Variants in KIF13B observed in about 807,000 individuals in gnomAD.
The protein encoded by KIF13B is kinesin family member 13B.
A neutral mutation model predicts 222.0 loss-of-function variants in KIF13B; 127 were observed. The observed-to-expected ratio is 0.57, with a 90% confidence interval of 0.50 to 0.66. The LOEUF (loss-of-function observed/expected upper bound fraction) is 0.66. Ranked by LOEUF, KIF13B falls within the 30% of genes least tolerant of loss-of-function variation. The probability of loss-of-function intolerance (pLI) is 0.00; values close to 1 mark genes in which losing one functional copy is unlikely to be tolerated. For missense variants in KIF13B, 2,173 were observed against 2,379.0 expected (o/e 0.91, Z 1.80); for synonymous variants, 976 against 919.0 (o/e 1.06, Z -1.12).
At chr8:29,247,961 T>G (rs1029686577) in intron 1 of KIF13B, among the ~76,000 whole-genome samples, 1 of 151,944 alleles carries the variant, frequency 6.6e-6, no homozygotes, top group African/African-American at 2.4e-5. Flanking sequence ...TTCCATATCA[T>G]TCAACATTGG....
chr8:29,181,399 A>G (rs972767398), intron 7 of KIF13B, among the ~76,000 whole-genome samples: 2 of 152,242 alleles, frequency 1.3e-5, no homozygotes, highest in African/African-American at 4.8e-5. Context: ...TCAGACACTG[A>G]GAATATATAA....
intron 11 of KIF13B, among the ~76,000 whole-genome samples, 156 bp from the exon 12 acceptor site, chr8:29,165,928 G>GATTGTAGATCGAAGTACCTCA (rs1381253577): frequency 2.0e-5 from 3 of 152,230 alleles, no homozygotes; most frequent in Non-Finnish European, 2.9e-5. Context: ...GAAGTACCTC[G>GATTGTAGATCGAAGTACCTCA]ATTGTCTGAG....
chr8:29,135,902 A>G (rs1810532935), intron 21 of KIF13B, among the ~76,000 whole-genome samples: 1 of 152,152 alleles, frequency 6.6e-6, no homozygotes. Context: ...AAAAACAAAC[A>G]AGCAAACAAG....
chr8:29,190,972 T>C (rs370092285), intron 4 of KIF13B, 25 bp downstream of exon 4: 2 of 1,587,718 alleles, frequency 1.3e-6, no homozygotes, highest in African/African-American at 2.7e-5. Context: ...CCATCAGTAG[T>C]TGACAGGATG....
At chr8:29,139,352 A>C (rs1385029721) in intron 21 of KIF13B, among the ~76,000 whole-genome samples, 1 of 152,194 alleles carries the variant, frequency 6.6e-6, no homozygotes, top group Non-Finnish European at 1.5e-5. Context: ...ATCACCTTTA[A>C]AATGGGCCAT....
Position 29,072,133 on chromosome 8 carries a change from A to C in KIF13B, c.4705T>G (p.Phe1569Val). 1.4e-6 allele frequency: 2 copies of C among 1,388,416 alleles called. No homozygotes were observed. The highest frequency in any genetic ancestry group is 9.4e-7 in the Non-Finnish European group (1 of 1,069,020). The allele number at this position is 1,388,416 out of a possible 1,614,324, so 86.0% of individuals were successfully genotyped here. ...SPLSEASSGY[F>V]SHSVSTATLS... ...GTCGCGGTGGAGACGCTGTGGGAGA[A>C]GTACCCGCTAGAGGCTTCACTCAGG... Residue 1569 changes from phenylalanine to valine, a missense_variant, in exon 39 of 40, where the codon TTC (phenylalanine) becomes GTC (valine). Coordinates refer to ENST00000524189, the MANE Select transcript of KIF13B (RefSeq NM_015254.4).
intron 10 of KIF13B, among the ~76,000 whole-genome samples, chr8:29,168,844 A>T (rs1812119003): frequency 6.6e-6 from 1 of 152,170 alleles, no homozygotes; most frequent in Admixed American, 6.5e-5. Context: ...TGAGACAATA[A>T]ATGACTTGTT....
chr8:29,084,184 G>A (rs1807937971), intron 37 of KIF13B, among the ~76,000 whole-genome samples: 1 of 152,148 alleles, frequency 6.6e-6, no homozygotes, highest in Non-Finnish European at 1.5e-5. Context: ...CCAAAGTGCT[G>A]GGATTACAAG....
chr8:29,221,110 T>C (rs1436238731), intron 2 of KIF13B, among the ~76,000 whole-genome samples: 1 of 145,328 alleles, frequency 6.9e-6, no homozygotes, highest in Non-Finnish European at 1.5e-5. Flanking sequence ...TTTTTTTTTT[T>C]TTTTTTTTTT....
At chr8:29,260,242 A>C (rs1248327194) in intron 1 of KIF13B, among the ~76,000 whole-genome samples, 1 of 152,238 alleles carries the variant, frequency 6.6e-6, no homozygotes, top group African/African-American at 2.4e-5. Context: ...TTAAAACTCC[A>C]AACACCTAAG....
chr8:29,089,768 C>T (rs951177817), intron 37 of KIF13B, among the ~76,000 whole-genome samples: 2 of 151,810 alleles, frequency 1.3e-5, no homozygotes, highest in Non-Finnish European at 2.9e-5. Flanking sequence ...GTGGCAGGTG[C>T]CTGTAATCCC....
At chr8:29,224,068 G>A (rs1220750232) in intron 2 of KIF13B, among the ~76,000 whole-genome samples, 4 of 147,156 alleles carry the variant, frequency 2.7e-5, no homozygotes, top group Non-Finnish European at 4.5e-5. Flanking sequence ...GTGCCATCTT[G>A]GCTCACTGCA....
intron 2 of KIF13B, among the ~76,000 whole-genome samples, chr8:29,216,327 T>C (rs1814477032): frequency 6.6e-6 from 1 of 152,184 alleles, no homozygotes; most frequent in Non-Finnish European, 1.5e-5. Context: ...CCGGGCGCAG[T>C]GGCTGATGCC....
chr8:29,228,472 A>AAAATATATATATATATAT lies in KIF13B; in HGVS notation c.149+16873_149+16874insATATATATATATATATTT. On this transcript the variant is annotated intron_variant, in intron 2 of 39. Transcript: ENST00000524189. ...ACAGAGCCAGACTCCATCTTAAAAAAATATATATATATATATATGAGATAC... is the reference window on the plus strand; with the variant it reads ...ACAGAGCCAGACTCCATCTTAAAAAAAAATATATATATATATATATATATATATATATATATGAGATAC... Among the ~76,000 whole-genome samples, 413 of 117,058 alleles carry AAAATATATATATATATAT rather than the reference A, an allele frequency of 3.5e-3. 17 individuals carry two copies. The highest frequency in any genetic ancestry group is 9.4e-3 in the East Asian group (45 of 4,810). The allele number at this position is 117,058 out of a possible 152,430, so 76.8% of individuals were successfully genotyped here. A position where few individuals can be genotyped will look rare whatever the true frequency, so the allele number is the denominator to read the frequency against.
intron 32 of KIF13B, among the ~76,000 whole-genome samples, chr8:29,111,471 C>T (rs747021436): frequency 6.6e-6 from 1 of 152,198 alleles, no homozygotes; most frequent in Non-Finnish European, 1.5e-5. Flanking sequence ...AGTCTTTACA[C>T]AATCAGCTTT....
chr8:29,132,532 G>T, intron 22 of KIF13B, 67 bp from the exon 23 acceptor site: 1 of 1,008,112 alleles, frequency 9.9e-7, no homozygotes. Context: ...GTTTATACCA[G>T]ACATCACATA....
intron 29 of KIF13B, 51 bp from the exon 30 acceptor site, chr8:29,119,043 C>T: frequency 6.4e-7 from 1 of 1,555,850 alleles, no homozygotes; most frequent in Non-Finnish European, 8.7e-7. Flanking sequence ...CAAGGATAAC[C>T]CCTACCAGCT....
At chr8:29,150,701 C>T (rs191389943) in intron 14 of KIF13B, among the ~76,000 whole-genome samples, 9 of 152,262 alleles carry the variant, frequency 5.9e-5, no homozygotes, top group South Asian at 2.1e-4. Context: ...GCTCACTTCA[C>T]GTCTGTCATG....
At chr8:29,215,619 T>C (rs13248604) in intron 2 of KIF13B, among the ~76,000 whole-genome samples, 94,091 of 152,044 alleles carry the variant, frequency 0.62, 30,631 homozygotes, top group Non-Finnish European at 0.74. Flanking sequence ...ATGAACCTAG[T>C]AGGTCGAGGC....
Sources: gnomAD v4.1 joint callset for allele counts (sites outside exome capture counted in the v4.1 genomes callset) on GRCh38, gnomAD v4.1.1 for gene constraint, MANE v1.5 for transcripts, NCBI Gene and HGNC (gene_info 2026-07-23, HGNC 2026-07-21) for gene names.